GLT1D1: variants seen among roughly 807,000 people sequenced by gnomAD.
GLT1D1 encodes the protein glycosyltransferase 1 domain containing 1.
A neutral mutation model predicts 28.7 loss-of-function variants in GLT1D1; 21 were observed. That is an observed-to-expected ratio of 0.73 (90% CI 0.52 to 1.05). The LOEUF (loss-of-function observed/expected upper bound fraction) is 1.05. Ranked by LOEUF, GLT1D1 falls within the 50% of genes least tolerant of loss-of-function variation. GLT1D1 has a pLI of 0.00. For synonymous variants in GLT1D1, 147 were observed against 124.8 expected (o/e 1.18, Z -1.19); for missense variants, 343 against 330.6 (o/e 1.04, Z -0.29).
intron 2 of GLT1D1, among the ~76,000 whole-genome samples, chr12:128,878,775 G>A (rs372120964): frequency 1.7e-4 from 26 of 151,894 alleles, no homozygotes; most frequent in East Asian, 1.4e-3. Flanking sequence ...CACCATGCCC[G>A]GCTATTTTTT....
intron 1 of GLT1D1, among the ~76,000 whole-genome samples, chr12:128,870,915 C>T (rs373814337): frequency 3.9e-5 from 6 of 152,138 alleles, no homozygotes; most frequent in Non-Finnish European, 8.8e-5. Flanking sequence ...CGCTTGAACC[C>T]GTGAGGCAGA....
chr12:128,885,770 C>G (rs1240174469), intron 2 of GLT1D1, among the ~76,000 whole-genome samples: 1 of 152,164 alleles, frequency 6.6e-6, no homozygotes, highest in Admixed American at 6.5e-5. Flanking sequence ...ACCTTTTAAA[C>G]AACCTCGTTG....
chr12:128,866,134 T>C (rs1208687135), intron 1 of GLT1D1, among the ~76,000 whole-genome samples: 1 of 150,500 alleles, frequency 6.6e-6, no homozygotes, highest in Non-Finnish European at 1.5e-5. Context: ...AGTGGCATGA[T>C]CTTGGCTCAC....
intron 6 of GLT1D1, among the ~76,000 whole-genome samples, chr12:128,957,275 G>C (rs576978332): frequency 6.6e-6 from 1 of 152,164 alleles, no homozygotes; most frequent in African/African-American, 2.4e-5. Flanking sequence ...AGAGAGAGGG[G>C]GTTCTTTGTG....
intron 7 of GLT1D1, among the ~76,000 whole-genome samples, chr12:128,982,258 C>T (rs575403510): frequency 6.6e-6 from 1 of 152,228 alleles, no homozygotes; most frequent in Admixed American, 6.5e-5. Flanking sequence ...GCTGGGTTTA[C>T]CGATTAAGTA....
At position 128,983,139 on chromosome 12, in the gene GLT1D1, C is replaced by A; in HGVS notation, c.*49C>A. ...GCTCTCTGACACACAGCTCTGGGTG[C>A]ACACTCAGAGACAGAGTTCTGGATC... is the stretch of plus-strand genomic sequence containing the variant. On this transcript the variant is annotated 3_prime_UTR_variant, in exon 8 of 8. Transcript: ENST00000281703. The surrounding 1 kb of genome is among the most constrained non-coding windows in gnomAD (Gnocchi z 4.7). The A allele has an allele frequency of 6.5e-7, 1 of 1,532,690 alleles. No homozygotes were observed. Among genetic ancestry groups the A allele is most frequent in the Non-Finnish European group, 9.0e-7 (1 of 1,110,798 alleles). 94.9% of individuals were successfully genotyped at this position (1,532,690 alleles called of 1,614,324 possible).
chr12:128,872,997 C>G (rs568560334), intron 1 of GLT1D1, among the ~76,000 whole-genome samples: 26 of 152,018 alleles, frequency 1.7e-4, no homozygotes, highest in Admixed American at 5.2e-4. Flanking sequence ...CTGGACTCAT[C>G]GATCCTCCCA....
intron 7 of GLT1D1, among the ~76,000 whole-genome samples, chr12:128,965,635 G>T (rs191436580): frequency 3.7e-4 from 56 of 149,870 alleles, no homozygotes; most frequent in Admixed American, 9.4e-4. Flanking sequence ...ACTTTGGAAG[G>T]CTAAGGCAAG....
Position 128,934,529 on chromosome 12 carries a change from T to C in GLT1D1, c.376-10797T>C, listed in dbSNP as rs117605547. ...ATTTTTAGGAGGCAATGGCAGTGCA[T>C]CTATGCAGTGTTTCCCTCTTGTCCA... On this transcript the variant is annotated intron_variant, in intron 4 of 7. Transcript: ENST00000281703. 4.9e-3 allele frequency among the ~76,000 whole-genome samples: 742 copies of C among 152,258 alleles called. 18 individuals are homozygous for C. The highest frequency in any genetic ancestry group is 0.039 in the East Asian group (200 of 5,170).
chr12:128,901,439 A>G (rs1593105180), intron 4 of GLT1D1, among the ~76,000 whole-genome samples: 1 of 141,208 alleles, frequency 7.1e-6, no homozygotes, highest in East Asian at 2.1e-4. Flanking sequence ...TCTCTCTCTC[A>G]TTTTTTTTTT....
intron 4 of GLT1D1, among the ~76,000 whole-genome samples, 197 bp downstream of exon 6, chr12:128,915,186 T>G (rs2049491144): frequency 6.6e-6 from 1 of 152,184 alleles, no homozygotes; most frequent in African/African-American, 2.4e-5. Context: ...AGACAGGGGC[T>G]CTGGCCCTTT....
At chr12:128,951,323 A>C (rs1240887838) in intron 6 of GLT1D1, among the ~76,000 whole-genome samples, 1 of 152,180 alleles carries the variant, frequency 6.6e-6, no homozygotes, top group Non-Finnish European at 1.5e-5. Flanking sequence ...GAATTGCTGG[A>C]ACCTGGTAGG....
intron 2 of GLT1D1, among the ~76,000 whole-genome samples, chr12:128,887,048 A>G (rs887366299): frequency 2.0e-5 from 3 of 149,536 alleles, no homozygotes; most frequent in Admixed American, 2.0e-4. Context: ...GTCTCGCTCT[A>G]TCACCCAGGC....
intron 4 of GLT1D1, among the ~76,000 whole-genome samples, chr12:128,925,569 T>C (rs1460119928): frequency 1.3e-5 from 2 of 152,250 alleles, no homozygotes; most frequent in African/African-American, 4.8e-5. Flanking sequence ...CCATGTTTTC[T>C]TGATCCAGTC....
intron 4 of GLT1D1, among the ~76,000 whole-genome samples, chr12:128,940,239 A>G (rs1286391897): frequency 1.3e-5 from 2 of 152,126 alleles, no homozygotes; most frequent in Non-Finnish European, 2.9e-5. Context: ...CTTCTGCAAC[A>G]CATATAGCAG....
At chr12:128,869,149 G>A (rs193083606) in intron 1 of GLT1D1, among the ~76,000 whole-genome samples, 12 of 152,258 alleles carry the variant, frequency 7.9e-5, no homozygotes, top group Admixed American at 2.6e-4. Flanking sequence ...GAATACAGGC[G>A]TGAGCCACCG....
At chr12:128,857,903 G>C (rs1956261951) in intron 1 of GLT1D1, among the ~76,000 whole-genome samples, 1 of 152,172 alleles carries the variant, frequency 6.6e-6, no homozygotes, top group South Asian at 2.1e-4. Context: ...AATCCTCTGG[G>C]GACATATAGG....
At chr12:128,969,650 G>A (rs1025237265) in intron 7 of GLT1D1, among the ~76,000 whole-genome samples, 5 of 152,198 alleles carry the variant, frequency 3.3e-5, no homozygotes, top group Non-Finnish European at 7.4e-5. Flanking sequence ...CCTCCTGGCC[G>A]CCTCACTCCT....
At chr12:128,968,141 G>T (rs1029858415) in intron 7 of GLT1D1, among the ~76,000 whole-genome samples, 1 of 151,906 alleles carries the variant, frequency 6.6e-6, no homozygotes, top group Non-Finnish European at 1.5e-5. Flanking sequence ...GACTGCAGGC[G>T]CCTGCCACCA....
Sources: gnomAD v4.1 joint callset for allele counts (sites outside exome capture counted in the v4.1 genomes callset) on GRCh38, gnomAD v4.1.1 for gene constraint, Gnocchi (gnomAD v3.1) non-coding constraint, MANE v1.5 for transcripts, NCBI Gene and HGNC (gene_info 2026-07-23, HGNC 2026-07-21) for gene names.